Variants in NEBL observed in about 807,000 individuals in gnomAD.
NEBL encodes LIM and SH3 protein 2.
In NEBL, 122 loss-of-function variants were observed where a neutral mutation model predicts 140.2. That is an observed-to-expected ratio of 0.87 (90% CI 0.75 to 1.01). The LOEUF (loss-of-function observed/expected upper bound fraction) is 1.01, where lower values mean the gene tolerates loss of function less well. Among genes scored for constraint, NEBL ranks in the 50% least tolerant of loss-of-function variants. The probability of loss-of-function intolerance (pLI) is 0.00; values close to 1 mark genes in which losing one functional copy is unlikely to be tolerated. For missense variants in NEBL, 1,365 were observed against 1,231.3 expected (o/e 1.11, Z -1.62); for synonymous variants, 436 against 398.9 (o/e 1.09, Z -1.11).
At chr10:21,272,872 C>T (rs1375794172) in intron 1 of NEBL, among the ~76,000 whole-genome samples, 6 of 152,162 alleles carry the variant, frequency 3.9e-5, no homozygotes, top group Admixed American at 1.3e-4. Context: ...TTATGTCCAT[C>T]ATGGTCATTG....
At chr10:20,938,991 G>A (rs1160320742) in intron 4 of NEBL, among the ~76,000 whole-genome samples, 26 of 152,236 alleles carry the variant, frequency 1.7e-4, no homozygotes, top group Admixed American at 1.6e-3. Context: ...TGGGGAGAAT[G>A]GAACCAAGTT....
At chr10:21,196,068 A>G (rs556216239) in intron 3 of NEBL, among the ~76,000 whole-genome samples, 9 of 152,256 alleles carry the variant, frequency 5.9e-5, no homozygotes, top group Middle Eastern at 3.4e-3. Context: ...CAGTGGCACA[A>G]TCTCAGCTCA....
At chr10:20,836,665 T>C (rs918688404) in intron 13 of NEBL, among the ~76,000 whole-genome samples, 2 of 152,132 alleles carry the variant, frequency 1.3e-5, no homozygotes, top group African/African-American at 2.4e-5. Context: ...GGGAGGAGCC[T>C]GGCCTCTCCT....
chr10:21,154,274 C>T (rs1405136610), intron 2 of NEBL, among the ~76,000 whole-genome samples: 2 of 151,952 alleles, frequency 1.3e-5, no homozygotes, highest in East Asian at 3.9e-4. Context: ...ACCTGATCAA[C>T]ATGGTGAAAC....
At chr10:20,912,019 C>A (rs949351447) in intron 4 of NEBL, among the ~76,000 whole-genome samples, 6 of 152,288 alleles carry the variant, frequency 3.9e-5, no homozygotes, top group Middle Eastern at 6.8e-3. Flanking sequence ...TCTTAAACAC[C>A]ACCTTTATCT....
At chr10:21,062,248 C>T (rs1185094024) in intron 2 of NEBL, among the ~76,000 whole-genome samples, 1 of 152,094 alleles carries the variant, frequency 6.6e-6, no homozygotes, top group Non-Finnish European at 1.5e-5. Context: ...ACAACTCACA[C>T]ATCACAGCGT....
chr10:21,188,582 G>A (rs1334438594), intron 3 of NEBL, among the ~76,000 whole-genome samples: 1 of 151,242 alleles, frequency 6.6e-6, no homozygotes, highest in Non-Finnish European at 1.5e-5. Context: ...ACATGCAATT[G>A]GATATATAGT....
intron 2 of NEBL, among the ~76,000 whole-genome samples, chr10:21,144,386 T>C (rs1266985324): frequency 2.0e-5 from 3 of 152,176 alleles, no homozygotes; most frequent in Non-Finnish European, 2.9e-5. Context: ...TAACGCACCC[T>C]CCTTGGCCAG....
chr10:21,188,017 G>A (rs970622231), intron 3 of NEBL, among the ~76,000 whole-genome samples: 12 of 151,980 alleles, frequency 7.9e-5, no homozygotes, highest in Admixed American at 2.0e-4. Flanking sequence ...TTGTCTTCAC[G>A]GAGCCTTCAT....
In NEBL at chr10:20,937,643, TC is replaced by T. The variant is rs1177930418; in HGVS notation, c.357+24028del. On this transcript the variant is annotated intron_variant, in intron 4 of 6. Transcript: ENST00000417816. ...GCGTGAGCTGAAGCAGGGTGAGGCATCGCCTCACCCAGGATGCACAAGGGGT... is the reference window on the plus strand; with the variant it reads ...GCGTGAGCTGAAGCAGGGTGAGGCATGCCTCACCCAGGATGCACAAGGGGT... Among the ~76,000 whole-genome samples the T allele has an allele frequency of 1.4e-4, 21 of 152,212 alleles. No homozygotes were observed. In the South Asian group the frequency reaches 4.4e-3, roughly 32 times the overall value.
chr10:21,128,850 A>T (rs1435888651), intron 2 of NEBL, among the ~76,000 whole-genome samples: 1 of 152,200 alleles, frequency 6.6e-6, no homozygotes, highest in Admixed American at 6.5e-5. Flanking sequence ...TTGAATCTCC[A>T]TCTTCAATGA....
At chr10:20,796,517 A>G (rs978663739) in intron 26 of NEBL, among the ~76,000 whole-genome samples, 10 of 152,158 alleles carry the variant, frequency 6.6e-5, no homozygotes, top group Non-Finnish European at 8.8e-5. Flanking sequence ...CAAGAAAATC[A>G]GTACATTTTG....
At chr10:21,101,740 C>G (rs952063263) in intron 2 of NEBL, among the ~76,000 whole-genome samples, 1 of 152,176 alleles carries the variant, frequency 6.6e-6, no homozygotes, top group African/African-American at 2.4e-5. Context: ...GAGTGTCAAG[C>G]ACGCCACTAA....
At chr10:21,085,847 T>A (rs996528156) in intron 2 of NEBL, among the ~76,000 whole-genome samples, 2 of 152,104 alleles carry the variant, frequency 1.3e-5, no homozygotes, top group Admixed American at 6.6e-5. Flanking sequence ...CACTTCTCAT[T>A]TACATCTCAC....
intron 2 of NEBL, among the ~76,000 whole-genome samples, chr10:21,127,307 T>C (rs1401120818): frequency 2.0e-5 from 3 of 152,130 alleles, no homozygotes; most frequent in Non-Finnish European, 2.9e-5. Context: ...TACTAAAGAA[T>C]TCCAACTACT....
intron 26 of NEBL, among the ~76,000 whole-genome samples, chr10:20,790,295 T>C (rs1050399396): frequency 6.6e-6 from 1 of 151,982 alleles, no homozygotes; most frequent in African/African-American, 2.4e-5. Context: ...AAAGAGTTTT[T>C]AGGGAACTCC....
intron 2 of NEBL, among the ~76,000 whole-genome samples, chr10:21,049,112 C>T (rs1834650362): frequency 1.3e-5 from 2 of 152,234 alleles, no homozygotes; most frequent in Admixed American, 1.3e-4. Flanking sequence ...TTAAATGAGA[C>T]TTACCCACAT....
At chr10:21,138,751 C>T (rs1208458895) in intron 2 of NEBL, among the ~76,000 whole-genome samples, 1 of 151,226 alleles carries the variant, frequency 6.6e-6, no homozygotes, top group African/African-American at 2.4e-5. Flanking sequence ...AACTGCAAAA[C>T]TCCATTTTGA....
At chr10:21,202,461 C>CTTTTT (rs35623208) in intron 3 of NEBL, among the ~76,000 whole-genome samples, 36 of 117,304 alleles carry the variant, frequency 3.1e-4, no homozygotes, top group African/African-American at 5.4e-4. Flanking sequence ...TTTTCTTTTT[C>CTTTTT]TTTTTTTTTT....
Sources: gnomAD v4.1 joint callset for allele counts (sites outside exome capture counted in the v4.1 genomes callset) on GRCh38, gnomAD v4.1.1 for gene constraint, MANE v1.5 for transcripts, NCBI Gene and HGNC (gene_info 2026-07-23, HGNC 2026-07-21) for gene names.